IPO11: variants seen among roughly 807,000 people sequenced by gnomAD.
The protein encoded by IPO11 is importin-11.
In IPO11, 66 loss-of-function variants were observed where a neutral mutation model predicts 143.2. The observed-to-expected ratio is 0.46, with a 90% CI of 0.38 to 0.57. The LOEUF (loss-of-function observed/expected upper bound fraction) is 0.57. Among genes scored for constraint, IPO11 ranks in the 20% least tolerant of loss-of-function variants. The probability of loss-of-function intolerance (pLI) is 0.00; values close to 1 mark genes in which losing one functional copy is unlikely to be tolerated. For synonymous variants in IPO11, 385 were observed against 377.8 expected (o/e 1.02, Z -0.22); for missense variants, 1,026 against 1,141.0 (o/e 0.90, Z 1.45).
At chr5:62,489,512 T>C (rs1482955273) in intron 14 of IPO11, among the ~76,000 whole-genome samples, 163 bp downstream of exon 14, 1 of 152,218 alleles carries the variant, frequency 6.6e-6, no homozygotes, top group Non-Finnish European at 1.5e-5. Flanking sequence ...TGTATTATAA[T>C]AATACTATAC....
At chr5:62,529,430 G>T (rs1333034562) in intron 21 of IPO11, among the ~76,000 whole-genome samples, 1 of 151,914 alleles carries the variant, frequency 6.6e-6, no homozygotes, top group Non-Finnish European at 1.5e-5. Context: ...ACTTGGTGGG[G>T]AATTCCACTA....
chr5:62,456,831 C>T (rs913211448), intron 5 of IPO11, among the ~76,000 whole-genome samples: 23 of 152,174 alleles, frequency 1.5e-4, no homozygotes, highest in African/African-American at 5.1e-4. Context: ...CGGTGGCTCA[C>T]GCCTGTAATC....
chr5:62,489,958 T>A (rs1159163231), intron 14 of IPO11, among the ~76,000 whole-genome samples, 157 bp from the exon 15 acceptor site: 2 of 152,160 alleles, frequency 1.3e-5, no homozygotes, highest in African/African-American at 4.8e-5. Context: ...ATAGTGTTTC[T>A]AAAATAAATT....
intron 26 of IPO11, among the ~76,000 whole-genome samples, chr5:62,554,470 G>C (rs928278552): frequency 1.3e-5 from 2 of 152,052 alleles, no homozygotes; most frequent in African/African-American, 4.8e-5. Flanking sequence ...CGAGAGGTAG[G>C]GATCTAGTTT....
chr5:62,547,024 C>G (rs1743225664), intron 24 of IPO11, among the ~76,000 whole-genome samples: 1 of 152,022 alleles, frequency 6.6e-6, no homozygotes, highest in Non-Finnish European at 1.5e-5. Flanking sequence ...AAAATAAAAA[C>G]AATTCCTAAA....
chr5:62,449,910 C>CTTT lies in IPO11; in HGVS notation c.240-7_240-5dup. Reference sequence around the variant, plus strand: ...GTGGCATTCTTTTGCATAATCAATACTTTTTTTTTTTTACAGTGCTCTCTC... The same window carrying CTTT: ...GTGGCATTCTTTTGCATAATCAATACTTTTTTTTTTTTTTTACAGTGCTCTCTC... On this transcript the variant is annotated splice_polypyrimidine_tract_variant and intron_variant, in intron 3 of 29. Coordinates refer to ENST00000325324, the MANE Select transcript of IPO11 (RefSeq NM_016338.5). 4.0e-6 allele frequency: 5 copies of CTTT among 1,261,086 alleles called. No individual in the cohort carries two copies. The highest frequency in any genetic ancestry group is 1.6e-5 in the African/African-American group (1 of 63,672). 78.1% of individuals were successfully genotyped at this position (1,261,086 alleles called of 1,614,324 possible). A position where few individuals can be genotyped will look rare whatever the true frequency, so the allele number is the denominator to read the frequency against.
At chr5:62,426,984 C>G (rs1289508622) in intron 1 of IPO11, among the ~76,000 whole-genome samples, 1 of 127,550 alleles carries the variant, frequency 7.8e-6, no homozygotes, top group Non-Finnish European at 1.6e-5. Context: ...GATGCCCAGG[C>G]TGGAGTGCAA....
At chr5:62,483,321 A>G in intron 10 of IPO11, 28 bp downstream of exon 10, 1 of 1,330,612 alleles carries the variant, frequency 7.5e-7, no homozygotes, top group Non-Finnish European at 1.0e-6. Context: ...AGTTTAAAAG[A>G]ATTATTTTAA....
intron 20 of IPO11, among the ~76,000 whole-genome samples, chr5:62,522,120 A>G (rs1228678034): frequency 6.6e-6 from 1 of 152,106 alleles, no homozygotes; most frequent in African/African-American, 2.4e-5. Context: ...TTCTATTATG[A>G]AAAATTTAAA....
At chr5:62,543,517 C>T (rs559234170) in intron 24 of IPO11, among the ~76,000 whole-genome samples, 36 of 152,190 alleles carry the variant, frequency 2.4e-4, no homozygotes, top group African/African-American at 8.4e-4. Context: ...TGTTTCTGTG[C>T]GATCGGTAGT....
At chr5:62,435,074 ATATATATGTG>A (rs1344032263) in intron 1 of IPO11, among the ~76,000 whole-genome samples, 1 of 103,248 alleles carries the variant, frequency 9.7e-6, no homozygotes, top group South Asian at 3.2e-4. Flanking sequence ...ATATATATGT[ATATATATGTG>A]TATATATGTA....
intron 20 of IPO11, among the ~76,000 whole-genome samples, chr5:62,517,507 A>G (rs539667908): frequency 1.1e-4 from 17 of 152,092 alleles, no homozygotes; most frequent in Non-Finnish European, 2.2e-4. Flanking sequence ...GGTTCAAGCA[A>G]TTCTCCTGCC....
chr5:62,476,476 A>G (rs1036268700), intron 8 of IPO11, among the ~76,000 whole-genome samples: 1 of 152,212 alleles, frequency 6.6e-6, no homozygotes, highest in African/African-American at 2.4e-5. Flanking sequence ...AGTTCAGTTC[A>G]TATATTAGGG....
chr5:62,476,736 A>G lies in IPO11; in HGVS notation c.811A>G (p.Ile271Val), dbSNP rs747392179. The change falls in exon 9 of 30, where the codon ATT becomes GTT. Residue 271 changes from isoleucine (I) to valine (V), a missense_variant. Around this residue, in one of 5 missense-constraint regions of IPO11, gnomAD observed 429 missense variants for 456.3 expected, o/e 0.94. Transcript: ENST00000325324. ...TAGAGATAGACTGGAAAAGACCATC[A>G]TTCTTTTTACTAAAGTGGTAAGTTT... The part of the protein sequence containing the change: ...VCRDRLEKTI[I>V]LFTKVLLDFL... 6.6e-6 allele frequency: 10 copies of G among 1,523,976 alleles called. No individual in the cohort carries two copies. The highest frequency in any genetic ancestry group is 8.8e-6 in the Non-Finnish European group (10 of 1,133,088). The allele number at this position is 1,523,976 out of a possible 1,614,324, so 94.4% of individuals were successfully genotyped here.
At chr5:62,441,530 T>A (rs1236817942) in intron 2 of IPO11, among the ~76,000 whole-genome samples, 101 of 77,786 alleles carry the variant, frequency 1.3e-3, no homozygotes, top group Middle Eastern at 0.01. Flanking sequence ...TTTTTTTTTT[T>A]ATGGGACAGA....
At chr5:62,517,784 A>G (rs1425344125) in intron 20 of IPO11, among the ~76,000 whole-genome samples, 2 of 152,192 alleles carry the variant, frequency 1.3e-5, no homozygotes, top group Non-Finnish European at 2.9e-5. Flanking sequence ...CTCCTCAGGC[A>G]GTGTTACTTC....
intron 16 of IPO11, among the ~76,000 whole-genome samples, chr5:62,501,234 AT>A (rs1002457766): frequency 3.3e-5 from 5 of 150,642 alleles, no homozygotes; most frequent in African/African-American, 1.2e-4. Context: ...TTTTTTTTCT[AT>A]TTACCTATCC....
intron 24 of IPO11, among the ~76,000 whole-genome samples, chr5:62,539,018 A>G (rs1307782375): frequency 6.6e-6 from 1 of 152,196 alleles, no homozygotes; most frequent in Non-Finnish European, 1.5e-5. Context: ...TGGAAGGGTC[A>G]TCTGCCAGAT....
intron 27 of IPO11, chr5:62,580,392 T>C (rs1368378751): frequency 2.6e-6 from 4 of 1,550,396 alleles, no homozygotes; most frequent in Middle Eastern, 1.7e-4. Flanking sequence ...TTGATAATGA[T>C]ACATTTGAAA....
Sources: allele counts gnomAD v4.1 joint callset (sites outside exome capture counted in the v4.1 genomes callset), GRCh38; gene constraint gnomAD v4.1.1; regional missense constraint gnomAD v4.1.1; transcripts MANE v1.5; gene names NCBI Gene and HGNC (gene_info 2026-07-23, HGNC 2026-07-21).